The following ADAMTS16 variants were observed in gnomAD, a reference collection of about 807,000 sequenced individuals.
ADAMTS16 encodes the protein A disintegrin and metalloproteinase with thrombospondin motifs 16.
A neutral mutation model predicts 145.8 loss-of-function variants in ADAMTS16; 94 were observed. The observed-to-expected ratio is 0.64, with a 90% CI of 0.55 to 0.77. ADAMTS16 has a LOEUF of 0.77. Ranked by LOEUF, ADAMTS16 falls within the 30% of genes least tolerant of loss-of-function variation. The pLI, the probability that ADAMTS16 is intolerant of heterozygous loss-of-function variation, is 0.00. For synonymous variants in ADAMTS16, 659 were observed against 604.3 expected, an observed-to-expected ratio of 1.09 and a Z score of -1.33; for missense variants, 1,585 against 1,591.5, an observed-to-expected ratio of 1.00 and a Z score of 0.07.
At chr5:5,240,765 T>A (rs1296640214) in intron 16 of ADAMTS16, among the ~76,000 whole-genome samples, 2 of 152,130 alleles carry the variant, frequency 1.3e-5, no homozygotes, top group African/African-American at 2.4e-5. Flanking sequence ...TCTCCACAGG[T>A]CCTACTTCCA....
chr5:5,265,825 C>A (rs1738221012), intron 18 of ADAMTS16, among the ~76,000 whole-genome samples: 1 of 152,086 alleles, frequency 6.6e-6, no homozygotes, highest in South Asian at 2.1e-4. Flanking sequence ...AAGGTCCTTG[C>A]CTTGACATAT....
chr5:5,150,130 T>C (rs1037377299), intron 3 of ADAMTS16, among the ~76,000 whole-genome samples: 4 of 152,236 alleles, frequency 2.6e-5, no homozygotes, highest in Non-Finnish European at 4.4e-5. Flanking sequence ...ATATTAGCTG[T>C]ACCATTTTAT....
At chr5:5,271,246 G>T (rs1579363366) in intron 18 of ADAMTS16, among the ~76,000 whole-genome samples, 1 of 152,252 alleles carries the variant, frequency 6.6e-6, no homozygotes, top group Non-Finnish European at 1.5e-5. Context: ...GGGGCAGGGT[G>T]TTGGGTGTCT....
chr5:5,212,110 T>C (rs1736285125), intron 10 of ADAMTS16, among the ~76,000 whole-genome samples: 1 of 152,148 alleles, frequency 6.6e-6, no homozygotes, highest in African/African-American at 2.4e-5. Flanking sequence ...TTCCACCAGT[T>C]TTACAAAGAT....
intron 3 of ADAMTS16, among the ~76,000 whole-genome samples, chr5:5,157,201 A>G (rs1395847624): frequency 1.3e-5 from 2 of 151,980 alleles, no homozygotes; most frequent in Admixed American, 6.6e-5. Context: ...TGTATCTTCT[A>G]TAATTTCACA....
At position 5,148,814 on chromosome 5, in the gene ADAMTS16, T is replaced by TA. The variant is rs551112073; in HGVS notation, c.501+2361dup. 5.3e-5 allele frequency among the ~76,000 whole-genome samples: 8 copies of TA among 152,266 alleles called. No individual in the cohort carries two copies. In the East Asian group the frequency reaches 1.5e-3, roughly 29 times the overall value. On this transcript the variant is annotated intron_variant, in intron 3 of 22. Coordinates refer to ENST00000274181, the MANE Select transcript of ADAMTS16 (RefSeq NM_139056.4). ...ACCTGGGCCCCAGGAGTTTATTGTC[T>TA]AATGAGAGAGGCAGGACACAGGCAA...
rs376419532 is a variant in ADAMTS16 at position 5,303,785 on chromosome 5, C to T, written c.3186+19C>T. On this transcript the variant is annotated intron_variant, in intron 20 of 22. Transcript: ENST00000274181. ...GTCCCAGGTAGGTGCACTGGTCTCGCGGGAGCGAGGTTGACTAGCTCTCCC... is the reference window on the plus strand; with the variant it reads ...GTCCCAGGTAGGTGCACTGGTCTCGTGGGAGCGAGGTTGACTAGCTCTCCC... 4 of 1,609,794 alleles carry T rather than the reference C, an allele frequency of 2.5e-6. No homozygotes were observed. Among genetic ancestry groups the T allele is most frequent in the African/African-American group, 1.3e-5 (1 of 74,962 alleles).
intron 3 of ADAMTS16, among the ~76,000 whole-genome samples, chr5:5,168,676 A>G (rs1734960909): frequency 5.6e-5 from 1 of 17,966 alleles, no homozygotes; most frequent in South Asian, 2.3e-3. Context: ...TATAATAATT[A>G]TAATTATATA....
In ADAMTS16 at chr5:5,182,069, C is replaced by G; in HGVS notation, c.527C>G (p.Ala176Gly). The G allele has an allele frequency of 6.2e-7, 1 of 1,612,614 alleles. No homozygotes were observed. ...GLSGMIRTEE[A>G]DYFLRPLPSH... ...TCAGGCATGATACGAACAGAAGAGG[C>G]AGATTACTTCCTAAGGCCACTTCCT... is the stretch of plus-strand genomic sequence containing the variant. Residue 176 changes from alanine to glycine, a missense_variant, in exon 4 of 23, where the codon GCA becomes GGA. Physicochemically the swap from Ala to Gly is moderately conservative, Grantham distance 60. Around this residue, in one of 3 missense-constraint regions of ADAMTS16, gnomAD observed 453 missense variants for 412.1 expected, o/e 1.10. Transcript: ENST00000274181.
In ADAMTS16 at chr5:5,242,077, G is replaced by T. The variant is rs756838900; in HGVS notation, c.2548G>T (p.Gly850Cys). 6.2e-7 allele frequency: 1 copy of T among 1,614,110 alleles called. No individual in the cohort carries two copies. Among genetic ancestry groups the T allele is most frequent in the African/African-American group, 1.3e-5 (1 of 75,024 alleles). Residue 850 changes from glycine to cysteine, a missense_variant, in exon 17 of 23, where the codon GGT becomes TGT. By Grantham distance (159) the Gly-to-Cys change is radical (BLOSUM62 -3). Around this residue, in one of 3 missense-constraint regions of ADAMTS16, gnomAD observed 834 missense variants for 811.7 expected, o/e 1.03. Coordinates refer to ENST00000274181, the MANE Select transcript of ADAMTS16 (RefSeq NM_139056.4). The stretch of plus-strand genomic sequence containing the variant: ...GCTGCTGTTTCAGGGAAGGAACCCG[G>T]GTGTTGCCTGGGAATACTCCATGCC... ...VELLFQGRNPGVAWEYSMPRL... is the reference protein window; with the variant it reads ...VELLFQGRNPCVAWEYSMPRL...
At chr5:5,260,037 C>T (rs1353159930) in intron 17 of ADAMTS16, among the ~76,000 whole-genome samples, 1 of 152,226 alleles carries the variant, frequency 6.6e-6, no homozygotes, top group Non-Finnish European at 1.5e-5. Context: ...GTTGAATCTA[C>T]AGACTTACCA....
At chr5:5,153,940 T>C (rs1312330477) in intron 3 of ADAMTS16, among the ~76,000 whole-genome samples, 5 of 152,326 alleles carry the variant, frequency 3.3e-5, no homozygotes, top group Admixed American at 2.6e-4. Context: ...TCTCACTTGA[T>C]TTGACACTTA....
Position 5,319,282 on chromosome 5 carries a change from T to C in ADAMTS16, c.*144T>C, listed in dbSNP as rs529733667. 3 of 652,390 alleles carry C rather than the reference T, an allele frequency of 4.6e-6. No individual in the cohort carries two copies. The highest frequency in any genetic ancestry group is 5.4e-6 in the Non-Finnish European group (2 of 368,692). The allele number at this position is 652,390 out of a possible 1,614,324, so 40.4% of individuals were successfully genotyped here. A position where few individuals can be genotyped will look rare whatever the true frequency, so the allele number is the denominator to read the frequency against. On this transcript the variant is annotated 3_prime_UTR_variant, in exon 23 of 23. Coordinates refer to ENST00000274181, the MANE Select transcript of ADAMTS16 (RefSeq NM_139056.4). ...CCGTGTTAGGCTCTTTGACCAGGAG[T>C]GTATGTATGTGTTTCACTGTGAGCC...
chr5:5,186,704 C>A (rs1437480572), intron 5 of ADAMTS16, among the ~76,000 whole-genome samples: 2 of 152,202 alleles, frequency 1.3e-5, no homozygotes, highest in East Asian at 3.9e-4. Flanking sequence ...AGGAAAAGTG[C>A]AACCTTTTAG....
intron 11 of ADAMTS16, among the ~76,000 whole-genome samples, chr5:5,224,846 T>C (rs1165617748): frequency 6.6e-6 from 1 of 152,194 alleles, no homozygotes. Flanking sequence ...CCAGGCATCC[T>C]GCTTTCTGTG....
At chr5:5,242,287 C>A (rs955664378) in intron 17 of ADAMTS16, 96 bp downstream of exon 17, 2 of 1,467,948 alleles carry the variant, frequency 1.4e-6, no homozygotes, top group East Asian at 2.4e-5. Flanking sequence ...ATGAGCAGCC[C>A]GGGGCTTCTC....
intron 18 of ADAMTS16, among the ~76,000 whole-genome samples, chr5:5,293,494 G>A (rs1480094653): frequency 6.6e-6 from 1 of 152,112 alleles, no homozygotes; most frequent in African/African-American, 2.4e-5. Flanking sequence ...TTTCAGCACT[G>A]TCAGAAAAGA....
In ADAMTS16 at chr5:5,222,889, G is replaced by T. The variant is rs1201235113; in HGVS notation, c.1701+5G>T. On this transcript the variant is annotated splice_donor_5th_base_variant and intron_variant, in intron 11 of 22. Transcript: ENST00000274181. ...ACAATTTGTGGGCATGACATGGTAA[G>T]AAGCTAACTGTAGGTACAGCATCGT... 16 of 1,613,606 alleles carry T rather than the reference G, an allele frequency of 9.9e-6. No individual in the cohort carries two copies. The highest frequency in any genetic ancestry group is 1.4e-5 in the Non-Finnish European group (16 of 1,179,646).
At chr5:5,154,925 G>A (rs941915991) in intron 3 of ADAMTS16, among the ~76,000 whole-genome samples, 42 of 152,060 alleles carry the variant, frequency 2.8e-4, no homozygotes, top group African/African-American at 8.9e-4. Context: ...ACTAACTCTC[G>A]GGGATGATAC....
Sources: gnomAD v4.1 joint callset for allele counts (sites outside exome capture counted in the v4.1 genomes callset) on GRCh38, gnomAD v4.1.1 for gene constraint, gnomAD v4.1.1 regional missense constraint, MANE v1.5 for transcripts, NCBI Gene and HGNC (gene_info 2026-07-23, HGNC 2026-07-21) for gene names.